The following NR3C2 variants were observed in gnomAD, a reference collection of about 807,000 sequenced individuals.
NR3C2 encodes nuclear receptor subfamily 3 group C member 2.
In NR3C2, 15 loss-of-function variants were observed where a neutral mutation model predicts 86.4. The ratio of observed to expected loss-of-function variants is 0.17; its 90% CI spans 0.12 to 0.27. The LOEUF (loss-of-function observed/expected upper bound fraction) is 0.27, where lower values mean the gene tolerates loss of function less well. NR3C2 is among the 10% of genes least tolerant of loss of function. NR3C2 has a pLI of 1.00. For synonymous variants in NR3C2, 458 were observed against 450.5 expected, an observed-to-expected ratio of 1.02 and a Z score of -0.21; for missense variants, 960 against 1,195.6, an observed-to-expected ratio of 0.80 and a Z score of 2.91.
chr4:148,442,682 T>A (rs1473351529), upstream of NR3C2: 3 of 985,358 alleles, frequency 3.0e-6, no homozygotes, highest in Non-Finnish European at 3.6e-6. Flanking sequence ...ACATGACTGA[T>A]ACAAAGTTGC....
At chr4:148,440,985 A>G (rs1471793833) in intron 1 of NR3C2, among the ~76,000 whole-genome samples, 1 of 152,250 alleles carries the variant, frequency 6.6e-6, no homozygotes, top group African/African-American at 2.4e-5. Context: ...TATAGACTGC[A>G]TAGTTGTAAA....
chr4:148,224,118 A>G (rs1022946685), intron 3 of NR3C2, among the ~76,000 whole-genome samples: 5 of 145,032 alleles, frequency 3.4e-5, no homozygotes, highest in Admixed American at 2.9e-4. Context: ...GGGATCAGAG[A>G]AAGAATGTGC....
intron 2 of NR3C2, among the ~76,000 whole-genome samples, chr4:148,283,032 C>T (rs1741327063): frequency 6.6e-6 from 1 of 152,242 alleles, no homozygotes; most frequent in African/African-American, 2.4e-5. Context: ...AAATCACATA[C>T]AGCAAAACCA....
At chr4:148,093,959 T>C (rs1178777801) in intron 8 of NR3C2, among the ~76,000 whole-genome samples, 1 of 151,954 alleles carries the variant, frequency 6.6e-6, no homozygotes, top group African/African-American at 2.4e-5. Flanking sequence ...GAGGTTAATA[T>C]TCAGAATAGA....
At position 148,117,506 on chromosome 4, in the gene NR3C2, T is replaced by C. The variant is rs116316237; in HGVS notation, c.2641+2652A>G. The stretch of plus-strand genomic sequence containing the variant: ...AGCCATCGGTTTTAGTCCTAGCTCA[T>C]AGAGGATACTCAACATATCACACTT... On this transcript the variant is annotated intron_variant, in intron 7 of 8. Coordinates refer to ENST00000358102, the MANE Select transcript of NR3C2 (RefSeq NM_000901.5). Among the ~76,000 whole-genome samples, 624 of 142,084 alleles carry C rather than the reference T, an allele frequency of 4.4e-3. 3 individuals are homozygous for C. Among genetic ancestry groups the C allele is most frequent in the African/African-American group, 0.015 (597 of 39,712 alleles). The allele number at this position is 142,084 out of a possible 152,430, so 93.2% of individuals were successfully genotyped here.
intron 2 of NR3C2, among the ~76,000 whole-genome samples, chr4:148,427,970 A>G (rs1051060976): frequency 6.6e-6 from 1 of 152,234 alleles, no homozygotes; most frequent in Non-Finnish European, 1.5e-5. Context: ...ATCTGAATAA[A>G]CAAAGTCTGA....
Position 148,081,287 on chromosome 4 carries a change from C to G in NR3C2, c.*57G>C. ...TAAAAACAGGTTTTCTTGGGTCCTT[C>G]TGGGTGTGGAACAACACAGGGAAAC... On this transcript the variant is annotated 3_prime_UTR_variant, in exon 9 of 9. Coordinates refer to ENST00000358102, the MANE Select transcript of NR3C2 (RefSeq NM_000901.5). 1.2e-6 allele frequency: 2 copies of G among 1,611,280 alleles called. No homozygotes were observed. Among genetic ancestry groups the G allele is most frequent in the Non-Finnish European group, 1.7e-6 (2 of 1,177,496 alleles).
At chr4:148,441,050 CCTCT>C (rs747003972) in intron 1 of NR3C2, among the ~76,000 whole-genome samples, 1 of 152,116 alleles carries the variant, frequency 6.6e-6, no homozygotes, top group African/African-American at 2.4e-5. Context: ...CTATTATGTT[CCTCT>C]CTTTTATAGA....
At chr4:148,198,076 G>A (rs962342999) in intron 3 of NR3C2, among the ~76,000 whole-genome samples, 6 of 151,988 alleles carry the variant, frequency 3.9e-5, no homozygotes, top group Non-Finnish European at 8.8e-5. Context: ...GTTAGTGCAC[G>A]TGTAAAACAA....
chr4:148,168,358 C>T (rs1348698223), intron 4 of NR3C2, among the ~76,000 whole-genome samples: 3 of 152,178 alleles, frequency 2.0e-5, no homozygotes, highest in Admixed American at 6.5e-5. Flanking sequence ...AGAATGAGAG[C>T]CTTCTAGACC....
Position 148,435,345 on chromosome 4 carries a change from C to T in NR3C2, c.1516G>A (p.Ala506Thr). Residue 506 changes from alanine to threonine, a missense_variant, in exon 2 of 9, where the codon GCC (alanine) becomes ACC (threonine). This residue lies in a region of NR3C2 where 680 missense variants were observed against 719.0 expected (regional missense o/e 0.95). Transcript: ENST00000358102. ...EPDDGSYYPE[A>T]SIPSSAIVGV... is the part of the protein sequence containing the mutation. ...ACAATAGCAGAGGAAGGGATGCTGG[C>T]CTCTGGGTAATAGCTCCCATCATCT... 6.2e-7 allele frequency: 1 copy of T among 1,614,188 alleles called. No homozygotes were observed. The highest frequency in any genetic ancestry group is 8.5e-7 in the Non-Finnish European group (1 of 1,180,032).
At chr4:148,187,055 GAT>G (rs1217765401) in intron 4 of NR3C2, among the ~76,000 whole-genome samples, 1 of 126,044 alleles carries the variant, frequency 7.9e-6, no homozygotes, top group Admixed American at 8.1e-5. Flanking sequence ...AAGAAACTGT[GAT>G]ATATATATAT....
chr4:148,342,438 T>C (rs1744791500), intron 2 of NR3C2, among the ~76,000 whole-genome samples: 1 of 152,212 alleles, frequency 6.6e-6, no homozygotes, highest in African/African-American at 2.4e-5. Flanking sequence ...TAAGAATTGG[T>C]TCAAGAGCTG....
chr4:148,261,493 G>C (rs1561006359), intron 2 of NR3C2, among the ~76,000 whole-genome samples: 1 of 152,176 alleles, frequency 6.6e-6, no homozygotes, highest in Non-Finnish European at 1.5e-5. Context: ...GGGTAACGGG[G>C]GCAGCACACT....
intron 6 of NR3C2, among the ~76,000 whole-genome samples, chr4:148,136,163 T>G (rs375687649): frequency 8.7e-4 from 131 of 150,920 alleles, no homozygotes; most frequent in African/African-American, 3.0e-3. Flanking sequence ...GAAAAGTCTG[T>G]AAAAGTCTTA....
upstream of NR3C2, chr4:148,444,108 G>A (rs771999237): frequency 3.8e-5 from 37 of 985,310 alleles, no homozygotes; most frequent in East Asian, 1.1e-4. Context: ...ATCTCACGTC[G>A]GCAGAGCGCG....
intron 2 of NR3C2, among the ~76,000 whole-genome samples, chr4:148,260,477 C>CTT (rs1740041054): frequency 6.6e-6 from 1 of 152,162 alleles, no homozygotes; most frequent in Non-Finnish European, 1.5e-5. Flanking sequence ...ATTTGCTGTC[C>CTT]TTTTATTTTT....
chr4:148,099,074 G>A (rs1200391675), intron 8 of NR3C2, among the ~76,000 whole-genome samples: 2 of 152,170 alleles, frequency 1.3e-5, no homozygotes, highest in African/African-American at 4.8e-5. Flanking sequence ...CACCTGCAAG[G>A]TGTTCTACCC....
chr4:148,280,742 C>T (rs556180838), intron 2 of NR3C2, among the ~76,000 whole-genome samples: 44 of 152,214 alleles, frequency 2.9e-4, no homozygotes, highest in African/African-American at 1.1e-3. Context: ...TGAGCTCAAG[C>T]ACAATCCTCC....
Sources: allele counts gnomAD v4.1 joint callset (sites outside exome capture counted in the v4.1 genomes callset), GRCh38; gene constraint gnomAD v4.1.1; regional missense constraint gnomAD v4.1.1; transcripts MANE v1.5; gene names NCBI Gene and HGNC (gene_info 2026-07-23, HGNC 2026-07-21).